The following PRKCH variants were observed in gnomAD, a reference collection of about 807,000 sequenced individuals.
PRKCH encodes the protein protein kinase C eta type.
In PRKCH, 28 loss-of-function variants were observed where a neutral mutation model predicts 82.5. The ratio of observed to expected loss-of-function variants is 0.34; its 90% CI spans 0.25 to 0.47. The LOEUF (loss-of-function observed/expected upper bound fraction) is 0.47. PRKCH is among the 20% of genes least tolerant of loss of function. PRKCH has a pLI of 1.00. For synonymous variants in PRKCH, 322 were observed against 327.4 expected, an observed-to-expected ratio of 0.98 and a Z score of 0.18; for missense variants, 705 against 881.8, an observed-to-expected ratio of 0.80 and a Z score of 2.54.
At chr14:61,471,856 C>G (rs188293521) in intron 9 of PRKCH, among the ~76,000 whole-genome samples, 1 of 152,252 alleles carries the variant, frequency 6.6e-6, no homozygotes, top group East Asian at 1.9e-4. Flanking sequence ...CCCTGGCTCC[C>G]TTACATGACT....
At chr14:61,349,288 C>T (rs1210332760) in intron 1 of PRKCH, among the ~76,000 whole-genome samples, 4 of 152,218 alleles carry the variant, frequency 2.6e-5, no homozygotes, top group Admixed American at 6.5e-5. Flanking sequence ...CCCTACCTCA[C>T]ATTTATTGAG....
At chr14:61,414,646 G>A (rs1010876296) in intron 2 of PRKCH, among the ~76,000 whole-genome samples, 6 of 143,322 alleles carry the variant, frequency 4.2e-5, no homozygotes, top group African/African-American at 1.6e-4. Context: ...CACTGGCTAA[G>A]TTTTTTGTAT....
intron 10 of PRKCH, among the ~76,000 whole-genome samples, chr14:61,500,969 A>G (rs1886879899): frequency 1.3e-5 from 2 of 152,190 alleles, no homozygotes; most frequent in Non-Finnish European, 2.9e-5. Flanking sequence ...CAGCATGAAA[A>G]TGAGACAGTA....
chr14:61,406,053 G>C (rs1289347468), intron 2 of PRKCH, among the ~76,000 whole-genome samples: 1 of 152,154 alleles, frequency 6.6e-6, no homozygotes, highest in African/African-American at 2.4e-5. Context: ...TGGGGAAGAG[G>C]CCAAGGAAAC....
intron 1 of PRKCH, among the ~76,000 whole-genome samples, chr14:61,355,623 ATAATTT>A (rs1173241289): frequency 6.6e-6 from 1 of 152,220 alleles, no homozygotes; most frequent in Non-Finnish European, 1.5e-5. Context: ...TATACACTAA[ATAATTT>A]TAAGGGAAGA....
At chr14:61,242,600 G>A (rs370245630) in intron 1 of PRKCH, among the ~76,000 whole-genome samples, 13 of 151,974 alleles carry the variant, frequency 8.6e-5, no homozygotes, top group African/African-American at 2.7e-4. Context: ...ATTTCCCCAT[G>A]TTGGCCAGGC....
intron 2 of PRKCH, among the ~76,000 whole-genome samples, chr14:61,402,791 C>A (rs765517856): frequency 2.7e-5 from 4 of 150,014 alleles, no homozygotes; most frequent in Non-Finnish European, 5.9e-5. Context: ...GAGCGAAACT[C>A]TGTCTCAAAA....
chr14:61,200,763 T>TTA (rs10673037), intron 1 of PRKCH, among the ~76,000 whole-genome samples: 53,479 of 151,894 alleles, frequency 0.35, 10,189 homozygotes, highest in African/African-American at 0.48. Flanking sequence ...CAATATATTG[T>TTA]TAAGTGTTCT....
At chr14:61,391,377 A>G (rs1283237594) in intron 2 of PRKCH, 89 bp downstream of exon 2, 11 of 1,183,108 alleles carry the variant, frequency 9.3e-6, no homozygotes, top group African/African-American at 1.6e-5. Context: ...TATAAAAAAG[A>G]GCATGTTGTA....
At chr14:61,480,754 A>T (rs1885934024) in intron 9 of PRKCH, among the ~76,000 whole-genome samples, 1 of 152,168 alleles carries the variant, frequency 6.6e-6, no homozygotes, top group African/African-American at 2.4e-5. Flanking sequence ...AGCACCCCTA[A>T]GTAGCTTTTT....
At chr14:61,248,341 T>C (rs946306800) in intron 1 of PRKCH, among the ~76,000 whole-genome samples, 1 of 152,206 alleles carries the variant, frequency 6.6e-6, no homozygotes, top group Non-Finnish European at 1.5e-5. Context: ...GGTTTATCCT[T>C]TGGAAAACTA....
intron 1 of PRKCH, among the ~76,000 whole-genome samples, chr14:61,243,203 T>C (rs958022122): frequency 6.6e-6 from 1 of 151,834 alleles, no homozygotes. Context: ...GAGACCAGCT[T>C]GGCCAATATA....
chr14:61,445,340 C>T (rs915778508), intron 3 of PRKCH, among the ~76,000 whole-genome samples: 6 of 152,220 alleles, frequency 3.9e-5, no homozygotes, highest in African/African-American at 1.4e-4. Context: ...AGCATCTGAA[C>T]ATCTTTATGT....
intron 1 of PRKCH, among the ~76,000 whole-genome samples, chr14:61,346,502 C>G (rs1355541199): frequency 6.6e-6 from 1 of 152,092 alleles, no homozygotes; most frequent in African/African-American, 2.4e-5. Context: ...TTGATTTTTT[C>G]AAAATTAACT....
intron 1 of PRKCH, among the ~76,000 whole-genome samples, chr14:61,273,077 G>A (rs1023019458): frequency 6.6e-6 from 1 of 152,098 alleles, no homozygotes; most frequent in Non-Finnish European, 1.5e-5. Flanking sequence ...TCTTTTACAT[G>A]TACATTTTTC....
intron 1 of PRKCH, among the ~76,000 whole-genome samples, chr14:61,194,772 C>T (rs1319524744): frequency 6.6e-6 from 1 of 152,146 alleles, no homozygotes; most frequent in Non-Finnish European, 1.5e-5. Flanking sequence ...TTGCTCTCAT[C>T]GCCCAGGCTT....
chr14:61,501,087 G>T (rs1886884852), intron 10 of PRKCH, among the ~76,000 whole-genome samples: 1 of 152,106 alleles, frequency 6.6e-6, no homozygotes, highest in African/African-American at 2.4e-5. Context: ...AATTCTCTAA[G>T]CCTCCGTTTC....
chr14:61,488,500 G>T (rs1356852394), intron 10 of PRKCH, among the ~76,000 whole-genome samples: 2 of 152,212 alleles, frequency 1.3e-5, no homozygotes, highest in Non-Finnish European at 2.9e-5. Flanking sequence ...TGGTAGTGAA[G>T]TCAGAATTCA....
chr14:61,510,391 G>C (rs925765230), intron 10 of PRKCH, among the ~76,000 whole-genome samples: 5 of 151,978 alleles, frequency 3.3e-5, no homozygotes, highest in African/African-American at 1.2e-4. Flanking sequence ...TCACAGCTTG[G>C]GGCAAGCCAG....
Sources: allele counts gnomAD v4.1 joint callset (sites outside exome capture counted in the v4.1 genomes callset), GRCh38; gene constraint gnomAD v4.1.1; transcripts MANE v1.5; gene names NCBI Gene and HGNC (gene_info 2026-07-23, HGNC 2026-07-21).